APLP2: variants seen among roughly 807,000 people sequenced by gnomAD.
The protein encoded by APLP2 is amyloid beta precursor like protein 2.
Under a neutral mutation model 89.9 loss-of-function variants are expected in APLP2, and 53 were observed. The ratio of observed to expected loss-of-function variants is 0.59; its 90% CI spans 0.47 to 0.74. APLP2 has a LOEUF of 0.74. Among genes scored for constraint, APLP2 ranks in the 30% least tolerant of loss-of-function variants. The pLI is 0.00. For missense variants in APLP2, 973 were observed against 975.9 expected (o/e 1.00, Z 0.04); for synonymous variants, 372 against 348.6 (o/e 1.07, Z -0.75).
At chr11:130,120,625 TATC>T in intron 3 of APLP2, 78 bp from the exon 4 acceptor site, 1 of 976,202 alleles carries the variant, frequency 1.0e-6, no homozygotes. Context: ...CTGTGTAGAC[TATC>T]ATCATAAACT....
intron 5 of APLP2, 45 bp from the exon 6 acceptor site, chr11:130,122,260 A>G (rs1949910797): frequency 1.2e-6 from 2 of 1,608,276 alleles, no homozygotes; most frequent in Admixed American, 3.3e-5. Flanking sequence ...TGTGCTTTGC[A>G]CATAGGAGCT....
chr11:130,070,049 G>A lies in APLP2; in HGVS notation c.72G>A (p.Thr24=), dbSNP rs1344159881. 6 of 1,505,446 alleles carry A rather than the reference G, an allele frequency of 4.0e-6. No homozygotes were observed. The African/African-American group carries it at 5.8e-5, about 14-fold the overall frequency. 93.3% of individuals were successfully genotyped at this position (1,505,446 alleles called of 1,614,324 possible). The change falls in exon 1 of 17, where the codon ACG becomes ACA. Residue 24 remains threonine, a synonymous_variant. Transcript: ENST00000338167. ...RLLLLLLVGL[T]APALALAGYI... The stretch of plus-strand genomic sequence containing the variant: ...TGCTTCTGCTGCTGGTGGGGCTCAC[G>A]GCGCCTGCCTTGGCGCTGGCCGGCT...
chr11:130,089,208 CT>C (rs1359086388), intron 1 of APLP2, among the ~76,000 whole-genome samples: 1 of 152,196 alleles, frequency 6.6e-6, no homozygotes, highest in Non-Finnish European at 1.5e-5. Context: ...CTGCTCCTGC[CT>C]TTGTTCATCA....
chr11:130,102,586 G>A (rs1947092981), intron 1 of APLP2, among the ~76,000 whole-genome samples: 1 of 152,194 alleles, frequency 6.6e-6, no homozygotes, highest in African/African-American at 2.4e-5. Flanking sequence ...AGAGATAACT[G>A]GGTGTGCACG....
intron 1 of APLP2, among the ~76,000 whole-genome samples, chr11:130,085,451 CAAA>C (rs34343827): frequency 1.4e-5 from 2 of 146,678 alleles, no homozygotes; most frequent in African/African-American, 2.5e-5. Context: ...GACTCCATCT[CAAA>C]AAAAAAACCA....
rs775154305 is a variant in APLP2, at chr11:130,070,048, C to T, written c.71C>T (p.Thr24Met). 1.3e-6 allele frequency: 2 copies of T among 1,504,616 alleles called. No homozygotes were observed. Among genetic ancestry groups the T allele is most frequent in the Non-Finnish European group, 1.8e-6 (2 of 1,135,058 alleles). 93.2% of individuals were successfully genotyped at this position (1,504,616 alleles called of 1,614,324 possible). A position where few individuals can be genotyped will look rare whatever the true frequency, so the allele number is the denominator to read the frequency against. ...RLLLLLLVGL[T>M]APALALAGYI... is the part of the protein sequence containing the mutation. ...CTGCTTCTGCTGCTGGTGGGGCTCA[C>T]GGCGCCTGCCTTGGCGCTGGCCGGC... The change falls in exon 1 of 17, where the codon ACG (threonine) becomes ATG (methionine). Residue 24 changes from threonine to methionine, a missense_variant. By Grantham distance (81) the Thr-to-Met change is moderately conservative. Coordinates refer to ENST00000338167, the MANE Select transcript of APLP2 (RefSeq NM_001142276.2).
chr11:130,132,967 C>T (rs994502309), intron 11 of APLP2, among the ~76,000 whole-genome samples: 2 of 146,044 alleles, frequency 1.4e-5, no homozygotes, highest in Non-Finnish European at 3.0e-5. Flanking sequence ...CGGCATTGTA[C>T]AAATTAGAGT....
Position 130,120,874 on chromosome 11 carries a change from G to A in APLP2, c.516+56G>A, listed in dbSNP as rs994144896. ...TGTTGTATCTGTTAGGAGGGAAGTAGCACTTTTCTCCAAATCTCACCATGC... is the reference window on the plus strand; with the variant it reads ...TGTTGTATCTGTTAGGAGGGAAGTAACACTTTTCTCCAAATCTCACCATGC... On this transcript the variant is annotated intron_variant, in intron 4 of 16. Transcript: ENST00000338167. The A allele has an allele frequency of 2.3e-5, 29 of 1,239,720 alleles. No individual in the cohort carries two copies. The African/African-American group carries it at 3.5e-4, about 15-fold the overall frequency. 76.8% of individuals were successfully genotyped at this position (1,239,720 alleles called of 1,614,324 possible). A position where few individuals can be genotyped will look rare whatever the true frequency, so the allele number is the denominator to read the frequency against.
At chr11:130,073,657 A>G (rs1466350781) in intron 1 of APLP2, among the ~76,000 whole-genome samples, 1 of 152,186 alleles carries the variant, frequency 6.6e-6, no homozygotes, top group Non-Finnish European at 1.5e-5. Flanking sequence ...CCTGAGCAAC[A>G]TGGTGAAACT....
intron 1 of APLP2, chr11:130,070,464 C>T (rs1940755382): frequency 1.0e-6 from 1 of 973,016 alleles, no homozygotes; most frequent in Non-Finnish European, 1.3e-6. Flanking sequence ...GAGTCCGCGG[C>T]TGGGCTTTCT....
intron 1 of APLP2, among the ~76,000 whole-genome samples, chr11:130,073,056 T>C (rs1163723864): frequency 6.6e-6 from 1 of 152,228 alleles, no homozygotes; most frequent in Non-Finnish European, 1.5e-5. Flanking sequence ...ATAATTTGGT[T>C]ATGCGAATTT....
chr11:130,073,327 T>C (rs1335755623), intron 1 of APLP2, among the ~76,000 whole-genome samples: 1 of 152,236 alleles, frequency 6.6e-6, no homozygotes, highest in African/African-American at 2.4e-5. Flanking sequence ...ATACTATGTA[T>C]GTGGCTCACA....
chr11:130,120,599 A>G (rs1949704011), intron 3 of APLP2, 107 bp from the exon 4 acceptor site: 3 of 782,904 alleles, frequency 3.8e-6, no homozygotes, highest in African/African-American at 1.7e-5. Flanking sequence ...GCTCGTATAC[A>G]TGAGACTGCT....
chr11:130,121,757 T>TGAAGAG lies in APLP2; in HGVS notation c.678_683dup (p.Glu226_Glu227dup), dbSNP rs3837393. On this transcript the variant is annotated inframe_insertion, in exon 5 of 17. Coordinates refer to ENST00000338167, the MANE Select transcript of APLP2 (RefSeq NM_001142276.2). ...TGTCAAAAGAAGAGGAAGAGGAAGA[T>TGAAGAG]GAAGAGGAAGAGGAAGAGGAAGATG... is the stretch of plus-strand genomic sequence containing the variant. 33 of 1,610,012 alleles carry TGAAGAG rather than the reference T, an allele frequency of 2.0e-5. No individual in the cohort carries two copies. Among genetic ancestry groups the TGAAGAG allele is most frequent in the East Asian group, 2.2e-5 (1 of 44,776 alleles).
intron 1 of APLP2, among the ~76,000 whole-genome samples, chr11:130,071,813 T>C (rs1941158935): frequency 6.6e-6 from 1 of 152,258 alleles, no homozygotes; most frequent in Non-Finnish European, 1.5e-5. Context: ...TGGTAACTCC[T>C]GTTCTTTGGA....
intron 1 of APLP2, among the ~76,000 whole-genome samples, chr11:130,079,946 T>C (rs1942882009): frequency 6.6e-6 from 1 of 152,248 alleles, no homozygotes; most frequent in African/African-American, 2.4e-5. Context: ...TGAGTTTTTT[T>C]CAAACATCTT....
In APLP2 at chr11:130,129,457, C is replaced by T. The variant is rs540463956; in HGVS notation, c.1455+251C>T. 1.2e-4 allele frequency among the ~76,000 whole-genome samples: 19 copies of T among 152,180 alleles called. No homozygotes were observed. The East Asian group carries it at 1.9e-3, about 15-fold the overall frequency. ...TTTACGCTGGAAAAGTATAACCTCG[C>T]GAAATTGATGGGTAATTATCCAGTT... On this transcript the variant is annotated intron_variant, in intron 10 of 16. Transcript: ENST00000338167.
In APLP2 at chr11:130,135,677, A is replaced by T; in HGVS notation, c.1799A>T (p.His600Leu). The T allele has an allele frequency of 6.2e-7, 1 of 1,612,334 alleles. No individual in the cohort carries two copies. Among genetic ancestry groups the T allele is most frequent in the Non-Finnish European group, 8.5e-7 (1 of 1,179,912 alleles). ...SEESEEIPPFHPFHPFPALPE... is the reference protein window; with the variant it reads ...SEESEEIPPFLPFHPFPALPE... ...GAGAGTGAGGAGATCCCACCGTTCC[A>T]CCCCTTCCACCCCTTCCCAGCCCTA... The change falls in exon 13 of 17, where the codon CAC (histidine) becomes CTC (leucine). Residue 600 changes from histidine (H) to leucine (L), a missense_variant. His to Leu is a moderately conservative substitution (Grantham distance 99, BLOSUM62 -3). Transcript: ENST00000338167.
Position 130,123,650 on chromosome 11 carries a change from G to A in APLP2, c.961G>A (p.Ala321Thr). The change falls in exon 7 of 17, where the codon GCC becomes ACC. Residue 321 changes from alanine (A) to threonine (T), a missense_variant. Physicochemically the swap from Ala to Thr is moderately conservative, Grantham distance 58. Coordinates refer to ENST00000338167, the MANE Select transcript of APLP2 (RefSeq NM_001142276.2). This position sits in a 1 kb window ranked among gnomAD's most constrained non-coding sequence, Gnocchi z 4.0. ...GGAGGCGATGACGGGGCCCTGCCGGGCCGTGATGCCTCGTTGGTACTTCGA... is the reference window on the plus strand; with the variant it reads ...GGAGGCGATGACGGGGCCCTGCCGGACCGTGATGCCTCGTTGGTACTTCGA... ...SQEAMTGPCR[A>T]VMPRWYFDLS... The A allele has an allele frequency of 6.2e-7, 1 of 1,614,256 alleles. No individual in the cohort carries two copies. Among genetic ancestry groups the A allele is most frequent in the Non-Finnish European group, 8.5e-7 (1 of 1,180,042 alleles).
Sources: gnomAD v4.1 joint callset for allele counts (sites outside exome capture counted in the v4.1 genomes callset) on GRCh38, gnomAD v4.1.1 for gene constraint, Gnocchi (gnomAD v3.1) non-coding constraint, MANE v1.5 for transcripts, NCBI Gene and HGNC (gene_info 2026-07-23, HGNC 2026-07-21) for gene names.